The following ZNF605 variants were observed in gnomAD, a reference collection of about 807,000 sequenced individuals.
ZNF605 encodes zinc finger protein 605.
A neutral mutation model predicts 7.9 loss-of-function variants in ZNF605; 9 were observed. The observed-to-expected ratio is 1.14, with a 90% confidence interval of 0.68 to 1.98. The LOEUF is 1.98. Ranked by LOEUF, ZNF605 falls within the 30% of genes most tolerant of loss-of-function variation. The pLI is 0.00. For synonymous variants in ZNF605, 255 were observed against 260.1 expected (o/e 0.98, Z 0.19); for missense variants, 673 against 762.4 (o/e 0.88, Z 1.38).
chr12:132,946,670 G>C (rs1593599979), intron 2 of ZNF605, among the ~76,000 whole-genome samples: 2 of 152,306 alleles, frequency 1.3e-5, no homozygotes, highest in East Asian at 3.9e-4. Context: ...CTGACCTCCT[G>C]CCTCCAGCAT....
intron 1 of ZNF605, among the ~76,000 whole-genome samples, chr12:132,952,932 C>T (rs946871198): frequency 4.5e-4 from 68 of 152,078 alleles, no homozygotes; most frequent in African/African-American, 9.9e-4. Flanking sequence ...CCAAGTTCCC[C>T]GGATTACCAA....
At chr12:132,954,657 C>T (rs1952616712) in intron 1 of ZNF605, among the ~76,000 whole-genome samples, 1 of 151,360 alleles carries the variant, frequency 6.6e-6, no homozygotes, top group African/African-American at 2.4e-5. Flanking sequence ...TCCCCGGGGC[C>T]CCCAAGCATT....
At chr12:132,954,915 C>T (rs1211252733) in intron 1 of ZNF605, among the ~76,000 whole-genome samples, 5 of 152,120 alleles carry the variant, frequency 3.3e-5, no homozygotes, top group African/African-American at 7.2e-5. Context: ...CCTAATGCTT[C>T]CATCATAAGA....
chr12:132,931,167 G>A (rs1381237362), intron 4 of ZNF605, among the ~76,000 whole-genome samples: 3 of 152,164 alleles, frequency 2.0e-5, no homozygotes, highest in Admixed American at 1.3e-4. Context: ...GTGACAAAGT[G>A]AGACCTTGTC....
At chr12:132,944,572 G>A (rs1952479453) in intron 3 of ZNF605, among the ~76,000 whole-genome samples, 1 of 152,214 alleles carries the variant, frequency 6.6e-6, no homozygotes, top group South Asian at 2.1e-4. Flanking sequence ...GATCAATTCT[G>A]CCAGGTGATT....
chr12:132,924,243 T>A lies in ZNF605; in HGVS notation c.*1130A>T, dbSNP rs1566228299. 2 of 152,340 alleles carry A rather than the reference T, an allele frequency of 1.3e-5. No homozygotes were observed. Among genetic ancestry groups the A allele is most frequent in the East Asian group, 3.9e-4 (2 of 5,182 alleles). The allele number at this position is 152,340 out of a possible 1,614,324, so 9.4% of individuals were successfully genotyped here. On this transcript the variant is annotated 3_prime_UTR_variant, in exon 5 of 5. Coordinates refer to ENST00000360187, the MANE Select transcript of ZNF605 (RefSeq NM_183238.4). The stretch of plus-strand genomic sequence containing the variant: ...CCGGACACTGTAGGTCCAGAGTAGC[T>A]TTTAATCTAGAGTTAATTAGCTGCA...
At position 132,926,122 on chromosome 12, in the gene ZNF605, A is replaced by G. The variant is rs1952244256; in HGVS notation, c.1177T>C (p.Tyr393His). The change falls in exon 5 of 5, where the codon TAT becomes CAT. Residue 393 changes from tyrosine (Y) to histidine (H), a missense_variant. By Grantham distance (83) the Tyr-to-His change is moderately conservative. Transcript: ENST00000360187. ...GCCTCCTCACAATCACTGCATCGAT[A>G]GTTCTTCTCTCCTGTGTGAGTTATC... ...HQITHTGEKN[Y>H]RCSDCEEAFF... is the part of the protein sequence containing the mutation. 3 of 1,614,210 alleles carry G rather than the reference A, an allele frequency of 1.9e-6. No homozygotes were observed. Among genetic ancestry groups the G allele is most frequent in the Non-Finnish European group, 1.7e-6 (2 of 1,180,040 alleles).
intron 3 of ZNF605, among the ~76,000 whole-genome samples, chr12:132,943,026 A>T (rs1467208739): frequency 2.0e-5 from 3 of 152,100 alleles, no homozygotes; most frequent in African/African-American, 7.2e-5. Flanking sequence ...TTAGGTCCTA[A>T]AAAATCAAGG....
At chr12:132,927,680 G>C (rs1411823197) in intron 4 of ZNF605, among the ~76,000 whole-genome samples, 37 of 128,438 alleles carry the variant, frequency 2.9e-4, no homozygotes, top group Admixed American at 6.5e-4. Flanking sequence ...TTTTTTTAGA[G>C]GGAGTCTCAC....
rs7980504 is a variant in ZNF605, at chr12:132,920,374, C to A, written c.*4999G>T. On this transcript the variant is annotated 3_prime_UTR_variant, in exon 5 of 5. Coordinates refer to ENST00000360187, the MANE Select transcript of ZNF605 (RefSeq NM_183238.4). ...CAGGATGGTCTCGATCTCCTGACCT[C>A]GTGATCCACCCGCCTTGGCCTCCCA... The A allele has an allele frequency of 0.35, 52,591 of 150,268 alleles. 9,239 individuals carry two copies. The highest frequency in any genetic ancestry group is 0.38 in the Middle Eastern group (104 of 274). The allele number at this position is 150,268 out of a possible 1,614,324, so 9.3% of individuals were successfully genotyped here.
rs1237734130 is a variant in ZNF605 at position 132,945,703 on chromosome 12, C to G, written c.-68G>C. 1.9e-6 allele frequency: 3 copies of G among 1,612,234 alleles called. No individual in the cohort carries two copies. Among genetic ancestry groups the G allele is most frequent in the Non-Finnish European group, 2.5e-6 (3 of 1,178,368 alleles). On this transcript the variant is annotated 5_prime_UTR_variant, in exon 3 of 5. Coordinates refer to ENST00000360187, the MANE Select transcript of ZNF605 (RefSeq NM_183238.4). ...TAGTCCTGACACCCTGGAGTGGCCT[C>G]TGGTCAGTGGTCTGTAAACTGAGAA...
intron 4 of ZNF605, chr12:132,932,668 G>A (rs1593585263): frequency 7.8e-7 from 1 of 1,288,580 alleles, no homozygotes; most frequent in Non-Finnish European, 1.1e-6. Context: ...TCAAAAACCT[G>A]AGATAAAATG....
chr12:132,951,808 ACACACATACACATACAC>A (rs1593606089), intron 1 of ZNF605, among the ~76,000 whole-genome samples: 1 of 151,416 alleles, frequency 6.6e-6, no homozygotes, highest in Non-Finnish European at 1.5e-5. Flanking sequence ...ATCACACATC[ACACACATACACATACAC>A]CACACATACA....
chr12:132,949,612 G>T (rs1027170936), intron 1 of ZNF605, among the ~76,000 whole-genome samples: 1 of 152,156 alleles, frequency 6.6e-6, no homozygotes, highest in African/African-American at 2.4e-5. Context: ...TGTAGCTCGC[G>T]CCTGGCATTG....
chr12:132,937,306 C>A (rs1203294553), intron 3 of ZNF605, among the ~76,000 whole-genome samples: 1 of 146,534 alleles, frequency 6.8e-6, no homozygotes, highest in Non-Finnish European at 1.5e-5. Context: ...TTGCAGTGAG[C>A]CGAGATGGTG....
At chr12:132,939,994 G>T (rs181029847) in intron 3 of ZNF605, among the ~76,000 whole-genome samples, 4,638 of 151,802 alleles carry the variant, frequency 0.031, 244 homozygotes, top group African/African-American at 0.11. Context: ...TCCGAACACA[G>T]CTGAACATCA....
rs577070705 is a variant in ZNF605, at chr12:132,922,548, C to G, written c.*2825G>C. The G allele has an allele frequency of 3.3e-5, 5 of 152,268 alleles. No individual in the cohort carries two copies. The South Asian group carries it at 1.0e-3, about 32-fold the overall frequency. 9.4% of individuals were successfully genotyped at this position (152,268 alleles called of 1,614,324 possible). ...CACTATGCGGCACTTGTACTGATAA[C>G]TGATTATCACAATTTTATTAAATGC... On this transcript the variant is annotated 3_prime_UTR_variant, in exon 5 of 5. Transcript: ENST00000360187.
intron 3 of ZNF605, among the ~76,000 whole-genome samples, chr12:132,938,992 G>A (rs1319748618): frequency 1.3e-5 from 2 of 151,662 alleles, no homozygotes; most frequent in Admixed American, 6.6e-5. Context: ...CCTCCCCGCG[G>A]GGCAGGGCTG....
At chr12:132,929,364 G>A (rs1452908527) in intron 4 of ZNF605, among the ~76,000 whole-genome samples, 1 of 152,176 alleles carries the variant, frequency 6.6e-6, no homozygotes, top group Non-Finnish European at 1.5e-5. Flanking sequence ...CAGCCTGCGT[G>A]ACTGAGTGAG....
Sources: gnomAD v4.1 joint callset for allele counts (sites outside exome capture counted in the v4.1 genomes callset) on GRCh38, gnomAD v4.1.1 for gene constraint, MANE v1.5 for transcripts, NCBI Gene and HGNC (gene_info 2026-07-23, HGNC 2026-07-21) for gene names.